The following GTF2IRD1 variants were observed in gnomAD, a reference collection of about 807,000 sequenced individuals.
GTF2IRD1 encodes the protein GTF2I repeat domain containing 1.
Under a neutral mutation model 113.2 loss-of-function variants are expected in GTF2IRD1, and 26 were observed. That is an observed-to-expected ratio of 0.23 (90% CI 0.17 to 0.32). The LOEUF is 0.32. GTF2IRD1 is among the 10% of genes least tolerant of loss of function. GTF2IRD1 has a pLI of 1.00. For missense variants in GTF2IRD1, 864 were observed against 1,280.8 expected, an observed-to-expected ratio of 0.67 and a Z score of 4.97; for synonymous variants, 484 against 529.1, an observed-to-expected ratio of 0.91 and a Z score of 1.17.
chr7:74,497,057 A>G (rs1795776093), intron 1 of GTF2IRD1, among the ~76,000 whole-genome samples: 1 of 151,486 alleles, frequency 6.6e-6, no homozygotes, highest in African/African-American at 2.4e-5. Flanking sequence ...AGCTGCTTGG[A>G]AGGCTGAGGT....
At chr7:74,496,369 T>C (rs1232059910) in intron 1 of GTF2IRD1, among the ~76,000 whole-genome samples, 1 of 147,686 alleles carries the variant, frequency 6.8e-6, no homozygotes, top group Non-Finnish European at 1.5e-5. Flanking sequence ...TGCATGTGTG[T>C]GTGCATATAT....
At chr7:74,527,679 T>C (rs1797684374) in intron 8 of GTF2IRD1, among the ~76,000 whole-genome samples, 1 of 151,974 alleles carries the variant, frequency 6.6e-6, no homozygotes, top group Non-Finnish European at 1.5e-5. Flanking sequence ...CTGACTCTAC[T>C]AAAAATACAA....
intron 22 of GTF2IRD1, among the ~76,000 whole-genome samples, chr7:74,575,002 A>G (rs1170495958): frequency 6.6e-6 from 1 of 152,136 alleles, no homozygotes; most frequent in Non-Finnish European, 1.5e-5. Flanking sequence ...AGGCAGGAGA[A>G]TCGCTTGAAC....
chr7:74,531,178 C>T (rs1797944049), intron 9 of GTF2IRD1, among the ~76,000 whole-genome samples: 1 of 152,064 alleles, frequency 6.6e-6, no homozygotes, highest in South Asian at 2.1e-4. Flanking sequence ...TGAGACCAGC[C>T]CGGCCAACAT....
intron 10 of GTF2IRD1, among the ~76,000 whole-genome samples, chr7:74,535,576 C>T (rs1798244956): frequency 6.6e-6 from 1 of 152,214 alleles, no homozygotes; most frequent in Admixed American, 6.5e-5. Context: ...GACTCCAGAG[C>T]CCATGCAGTG....
At chr7:74,475,239 G>A (rs1554333299) in intron 1 of GTF2IRD1, among the ~76,000 whole-genome samples, 1 of 152,230 alleles carries the variant, frequency 6.6e-6, no homozygotes, top group East Asian at 1.9e-4. Context: ...CTGGGTGACA[G>A]AGCAAGAGAC....
At chr7:74,560,370 A>G (rs1562870936) in intron 22 of GTF2IRD1, among the ~76,000 whole-genome samples, 1 of 151,768 alleles carries the variant, frequency 6.6e-6, no homozygotes, top group Non-Finnish European at 1.5e-5. Flanking sequence ...GACCACAAGC[A>G]TGTTGGTAAG....
chr7:74,561,884 G>A (rs1799985912), intron 22 of GTF2IRD1, among the ~76,000 whole-genome samples: 1 of 152,190 alleles, frequency 6.6e-6, no homozygotes, highest in Non-Finnish European at 1.5e-5. Context: ...TACAGAGGGG[G>A]AGACTGAGGC....
At chr7:74,530,990 C>T (rs1360046186) in intron 9 of GTF2IRD1, among the ~76,000 whole-genome samples, 1 of 151,546 alleles carries the variant, frequency 6.6e-6, no homozygotes, top group Non-Finnish European at 1.5e-5. Flanking sequence ...GATCACTTGA[C>T]CACAGGAGTT....
chr7:74,514,446 C>G (rs1796807424), intron 3 of GTF2IRD1, among the ~76,000 whole-genome samples: 1 of 152,162 alleles, frequency 6.6e-6, no homozygotes, highest in Non-Finnish European at 1.5e-5. Flanking sequence ...CCTTCTAGAG[C>G]CACGCAGAGC....
intron 22 of GTF2IRD1, among the ~76,000 whole-genome samples, chr7:74,562,771 T>G: frequency 6.6e-6 from 1 of 151,808 alleles, no homozygotes; most frequent in Non-Finnish European, 1.5e-5. Context: ...ACAATGAAAG[T>G]CCAGGCTGGT....
intron 1 of GTF2IRD1, among the ~76,000 whole-genome samples, chr7:74,474,953 A>T (rs890098137): frequency 2.6e-5 from 4 of 152,136 alleles, no homozygotes; most frequent in Admixed American, 6.6e-5. Flanking sequence ...TCTCTACAAA[A>T]AAAATAAAAT....
intron 1 of GTF2IRD1, among the ~76,000 whole-genome samples, chr7:74,463,483 C>T (rs1336649253): frequency 1.3e-5 from 2 of 152,110 alleles, no homozygotes; most frequent in East Asian, 3.9e-4. Context: ...GATCCCACAA[C>T]CTCAGCTTCC....
At chr7:74,588,106 C>CTTT (rs781908698) in intron 22 of GTF2IRD1, among the ~76,000 whole-genome samples, 8 of 134,998 alleles carry the variant, frequency 5.9e-5, no homozygotes, top group Admixed American at 1.5e-4. Flanking sequence ...CTTTTCTTTT[C>CTTT]TTTTTTTTTT....
rs1201749134 is a variant in GTF2IRD1 at position 74,453,976 on chromosome 7, C to A, written c.-207C>A. 4.7e-5 allele frequency: 7 copies of A among 148,374 alleles called. No individual in the cohort carries two copies. Among genetic ancestry groups the A allele is most frequent in the African/African-American group, 1.7e-4 (7 of 40,608 alleles). 9.2% of individuals were successfully genotyped at this position (148,374 alleles called of 1,614,324 possible). A position where few individuals can be genotyped will look rare whatever the true frequency, so the allele number is the denominator to read the frequency against. ...GGGGTGGGGGCCGCCGAGCGCCAGC[C>A]CCCCGGCCGGCCGATTCCCCCCCCG... is the stretch of plus-strand genomic sequence containing the variant. On this transcript the variant is annotated 5_prime_UTR_variant, in exon 1 of 27. Transcript: ENST00000424337.
At chr7:74,545,320 T>C (rs369956955) in intron 15 of GTF2IRD1, among the ~76,000 whole-genome samples, 12 of 151,864 alleles carry the variant, frequency 7.9e-5, no homozygotes. Context: ...GAGGAGAGAA[T>C]TGTCACTTCC....
intron 17 of GTF2IRD1, among the ~76,000 whole-genome samples, chr7:74,550,081 C>G (rs1337643409): frequency 6.6e-6 from 1 of 151,596 alleles, no homozygotes; most frequent in Non-Finnish European, 1.5e-5. Context: ...ACCTGTAATC[C>G]CAGCTACTCA....
intron 1 of GTF2IRD1, among the ~76,000 whole-genome samples, chr7:74,464,688 T>C (rs1779343883): frequency 6.6e-6 from 1 of 152,144 alleles, no homozygotes; most frequent in South Asian, 2.1e-4. Context: ...CCTCGAGTGA[T>C]CCACCTGCCT....
chr7:74,601,620 A>C (rs1234486541), intron 26 of GTF2IRD1: 2 of 501,938 alleles, frequency 4.0e-6, no homozygotes, highest in Non-Finnish European at 6.3e-6. Context: ...TAAAAATACA[A>C]AATTAGCCGG....
Sources: gnomAD v4.1 joint callset for allele counts (sites outside exome capture counted in the v4.1 genomes callset) on GRCh38, gnomAD v4.1.1 for gene constraint, MANE v1.5 for transcripts, NCBI Gene and HGNC (gene_info 2026-07-23, HGNC 2026-07-21) for gene names.